SPOCK3: variants seen among roughly 807,000 people sequenced by gnomAD.
The protein encoded by SPOCK3 is SPARC (osteonectin), cwcv and kazal like domains proteoglycan 3.
In SPOCK3, 30 loss-of-function variants were observed where a neutral mutation model predicts 56.6. The ratio of observed to expected loss-of-function variants is 0.53; its 90% CI spans 0.40 to 0.72. The LOEUF is 0.72. Ranked by LOEUF, SPOCK3 falls within the 30% of genes least tolerant of loss-of-function variation. The pLI is 0.00. For synonymous variants in SPOCK3, 196 were observed against 183.3 expected (o/e 1.07, Z -0.56); for missense variants, 527 against 530.0 (o/e 0.99, Z 0.06).
intron 4 of SPOCK3, among the ~76,000 whole-genome samples, chr4:166,934,573 C>T (rs961873312): frequency 2.0e-5 from 3 of 151,972 alleles, no homozygotes; most frequent in African/African-American, 7.2e-5. Flanking sequence ...TTGTTTGGTA[C>T]ATATATGTAT....
intron 4 of SPOCK3, among the ~76,000 whole-genome samples, chr4:166,935,053 T>C (rs1202426627): frequency 1.3e-5 from 2 of 151,892 alleles, no homozygotes; most frequent in Non-Finnish European, 2.9e-5. Context: ...CAGCATAACC[T>C]CAGATAAGCA....
intron 2 of SPOCK3, among the ~76,000 whole-genome samples, chr4:167,093,328 A>T (rs1396388139): frequency 1.3e-5 from 2 of 152,160 alleles, no homozygotes; most frequent in Non-Finnish European, 2.9e-5. Context: ...AGTTCAGGAT[A>T]CATGTGCAGA....
intron 2 of SPOCK3, among the ~76,000 whole-genome samples, chr4:167,068,567 T>G (rs1316880031): frequency 6.6e-6 from 1 of 151,816 alleles, no homozygotes; most frequent in African/African-American, 2.4e-5. Flanking sequence ...AGGAAGATTA[T>G]AATATATGGA....
Position 166,774,779 on chromosome 4 carries a change from G to A in SPOCK3, c.709+17391C>T, listed in dbSNP as rs75225689. 3.0e-3 allele frequency among the ~76,000 whole-genome samples: 453 copies of A among 152,254 alleles called. 10 individuals carry two copies. The East Asian group carries it at 0.069, about 23-fold the overall frequency. The stretch of plus-strand genomic sequence containing the variant: ...GTTGAAATCCCTCTCACAATTTGAA[G>A]TGTAAGCACCCTCATCCCTCCTTAT... On this transcript the variant is annotated intron_variant, in intron 7 of 10. Transcript: ENST00000357545.
At chr4:166,954,570 C>T (rs1192877570) in intron 4 of SPOCK3, among the ~76,000 whole-genome samples, 1 of 152,108 alleles carries the variant, frequency 6.6e-6, no homozygotes, top group Non-Finnish European at 1.5e-5. Flanking sequence ...TGTCCTTTTC[C>T]CATTGTGTGT....
chr4:167,089,137 GTTTA>G (rs1758482607), intron 2 of SPOCK3, among the ~76,000 whole-genome samples: 1 of 151,766 alleles, frequency 6.6e-6, no homozygotes, highest in African/African-American at 2.4e-5. Flanking sequence ...TTAAAAATAA[GTTTA>G]TATATATGTG....
chr4:166,960,478 C>G (rs1744023032), intron 4 of SPOCK3, among the ~76,000 whole-genome samples: 1 of 152,096 alleles, frequency 6.6e-6, no homozygotes, highest in African/African-American at 2.4e-5. Flanking sequence ...ACTCATTACC[C>G]CAGAATATAA....
intron 2 of SPOCK3, among the ~76,000 whole-genome samples, chr4:167,158,023 T>A (rs1224988790): frequency 6.6e-6 from 1 of 151,996 alleles, no homozygotes; most frequent in East Asian, 1.9e-4. Flanking sequence ...GCTATATAGA[T>A]CAAGTGTAAA....
chr4:166,765,693 C>T (rs7434528), intron 7 of SPOCK3, among the ~76,000 whole-genome samples: 30,559 of 152,056 alleles, frequency 0.2, 3,701 homozygotes, highest in South Asian at 0.31. Flanking sequence ...TCCGTATGAA[C>T]TTTAAAGTAG....
At chr4:167,075,507 G>A (rs35324233) in intron 2 of SPOCK3, among the ~76,000 whole-genome samples, 90,198 of 151,742 alleles carry the variant, frequency 0.59, 28,229 homozygotes, top group East Asian at 0.78. Context: ...AAAAATCTAC[G>A]AATTCAACCA....
intron 4 of SPOCK3, among the ~76,000 whole-genome samples, chr4:166,963,867 T>C (rs1454858328): frequency 6.6e-6 from 1 of 151,876 alleles, no homozygotes; most frequent in East Asian, 1.9e-4. Context: ...TTATATCAGA[T>C]ATTAGATATC....
chr4:166,749,141 A>G lies in SPOCK3; in HGVS notation c.931+5367T>C, dbSNP rs960369165. 1.2e-4 allele frequency among the ~76,000 whole-genome samples: 17 copies of G among 137,478 alleles called. 3 individuals carry two copies. The highest frequency in any genetic ancestry group is 6.2e-5 in the Non-Finnish European group (4 of 64,882). 90.2% of individuals were successfully genotyped at this position (137,478 alleles called of 152,430 possible). On this transcript the variant is annotated intron_variant, in intron 8 of 10. Transcript: ENST00000357545. The stretch of plus-strand genomic sequence containing the variant: ...ACCCAGCCATCCCATTACTGGGTAT[A>G]TACCCAAAGGATTATAAATCATGCT...
chr4:167,157,865 T>A lies in SPOCK3; in HGVS notation c.189+76120A>T, dbSNP rs1385178005. ...CTGCCTGTATTTCTTTTGTGCCACA[T>A]CAATTCCACTTCACTGAAAGTAATG... On this transcript the variant is annotated intron_variant, in intron 2 of 10. Coordinates refer to ENST00000357545, the MANE Select transcript of SPOCK3 (RefSeq NM_001040159.2). 1.3e-4 allele frequency among the ~76,000 whole-genome samples: 20 copies of A among 151,952 alleles called. 1 individual carries two copies. The highest frequency in any genetic ancestry group is 1.3e-3 in the Admixed American group (20 of 15,210).
At chr4:167,129,526 T>C (rs192319692) in intron 2 of SPOCK3, among the ~76,000 whole-genome samples, 30 of 152,354 alleles carry the variant, frequency 2.0e-4, no homozygotes, top group Admixed American at 1.8e-3. Flanking sequence ...TCTTGTATAC[T>C]TTTGGTCTAT....
At chr4:166,851,421 G>C (rs375133637) in intron 6 of SPOCK3, among the ~76,000 whole-genome samples, 47 of 152,340 alleles carry the variant, frequency 3.1e-4, no homozygotes, top group East Asian at 2.3e-3. Context: ...CTCTCCTCCT[G>C]CAAAGGAACG....
chr4:166,931,899 A>G (rs1454523351), intron 4 of SPOCK3, among the ~76,000 whole-genome samples: 5 of 152,114 alleles, frequency 3.3e-5, no homozygotes, highest in African/African-American at 1.2e-4. Context: ...GACCTTCCCT[A>G]TTACTCTTGG....
intron 2 of SPOCK3, among the ~76,000 whole-genome samples, chr4:167,213,567 T>G (rs1199520946): frequency 6.6e-6 from 1 of 152,154 alleles, no homozygotes; most frequent in Non-Finnish European, 1.5e-5. Context: ...CATCTGCTAC[T>G]TTATGGATAA....
chr4:166,945,159 G>T (rs2150023486), intron 4 of SPOCK3, among the ~76,000 whole-genome samples: 1 of 152,122 alleles, frequency 6.6e-6, no homozygotes, highest in East Asian at 1.9e-4. Flanking sequence ...AGAAGCCTTG[G>T]CCTTTTTTGG....
At chr4:167,097,736 A>G (rs1759284447) in intron 2 of SPOCK3, among the ~76,000 whole-genome samples, 2 of 151,910 alleles carry the variant, frequency 1.3e-5, no homozygotes, top group African/African-American at 2.4e-5. Context: ...CACCAAAAAG[A>G]CATGCACACT....
Sources: gnomAD v4.1 joint callset for allele counts (sites outside exome capture counted in the v4.1 genomes callset) on GRCh38, gnomAD v4.1.1 for gene constraint, MANE v1.5 for transcripts, NCBI Gene and HGNC (gene_info 2026-07-23, HGNC 2026-07-21) for gene names.